Variants in CSGALNACT1 observed in about 807,000 individuals in gnomAD.
CSGALNACT1 encodes beta4GalNAcT-1.
A neutral mutation model predicts 51.0 loss-of-function variants in CSGALNACT1; 52 were observed. That is an observed-to-expected ratio of 1.02 (90% CI 0.82 to 1.29). The LOEUF (loss-of-function observed/expected upper bound fraction) is 1.29. CSGALNACT1 is among the 50% of genes most tolerant of loss of function. The probability of loss-of-function intolerance (pLI) is 0.00; values close to 1 mark genes in which losing one functional copy is unlikely to be tolerated. For missense variants in CSGALNACT1, 935 were observed against 679.2 expected (o/e 1.38, Z -4.19); for synonymous variants, 341 against 254.4 (o/e 1.34, Z -3.24).
At chr8:19,666,815 G>C (rs867607547) in intron 1 of CSGALNACT1, among the ~76,000 whole-genome samples, 1 of 31,342 alleles carries the variant, frequency 3.2e-5, no homozygotes, top group African/African-American at 1.5e-4. Flanking sequence ...AAGAAAGAGA[G>C]AGAGAGAGAG....
At chr8:19,665,592 C>T (rs58532780) in intron 1 of CSGALNACT1, among the ~76,000 whole-genome samples, 9,229 of 152,204 alleles carry the variant, frequency 0.061, 319 homozygotes, top group African/African-American at 0.1. Flanking sequence ...CAGGAAGCCA[C>T]GGACTTTCCC....
chr8:19,543,864 A>C (rs899280400), intron 3 of CSGALNACT1, among the ~76,000 whole-genome samples: 9 of 152,208 alleles, frequency 5.9e-5, no homozygotes, highest in Admixed American at 5.2e-4. Context: ...GGACCCCTGA[A>C]ACAAGTCCAA....
chr8:19,537,370 T>C (rs1384184214), intron 3 of CSGALNACT1, among the ~76,000 whole-genome samples: 3 of 152,196 alleles, frequency 2.0e-5, no homozygotes, highest in South Asian at 2.1e-4. Context: ...TTCAGAGGGC[T>C]GAAAACTCCA....
At chr8:19,660,121 A>G (rs962073259) in intron 1 of CSGALNACT1, among the ~76,000 whole-genome samples, 2 of 152,342 alleles carry the variant, frequency 1.3e-5, no homozygotes, top group South Asian at 4.1e-4. Context: ...TTAATGGTCA[A>G]TCTGTGGGGC....
intron 3 of CSGALNACT1, among the ~76,000 whole-genome samples, chr8:19,535,048 A>G (rs1254576488): frequency 6.6e-6 from 1 of 152,208 alleles, no homozygotes; most frequent in Admixed American, 6.5e-5. Flanking sequence ...AGTATCAGGG[A>G]GTATTTGGAA....
At chr8:19,457,694 G>A (rs1244567172) in intron 5 of CSGALNACT1, 1 of 1,317,538 alleles carries the variant, frequency 7.6e-7, no homozygotes, top group South Asian at 1.2e-5. Flanking sequence ...AAAACAAGCT[G>A]GTGAAATCAC....
chr8:19,689,248 C>G (rs1429051421), intron 1 of CSGALNACT1, among the ~76,000 whole-genome samples: 1 of 152,116 alleles, frequency 6.6e-6, no homozygotes, highest in Non-Finnish European at 1.5e-5. Context: ...ACTCTTATAA[C>G]CCAGCTACCA....
chr8:19,428,821 TG>T (rs1228805279), intron 6 of CSGALNACT1, among the ~76,000 whole-genome samples: 4 of 130,492 alleles, frequency 3.1e-5, no homozygotes, highest in Non-Finnish European at 6.4e-5. Flanking sequence ...ACATAAGACA[TG>T]ATATGTGTGT....
At chr8:19,459,382 C>CAAAAAA (rs377411028) in intron 4 of CSGALNACT1, among the ~76,000 whole-genome samples, 1 of 69,178 alleles carries the variant, frequency 1.4e-5, no homozygotes, top group African/African-American at 5.8e-5. Flanking sequence ...AACTTTATCT[C>CAAAAAA]AAAAAAAAAA....
chr8:19,662,685 T>G (rs1479464325), intron 1 of CSGALNACT1, among the ~76,000 whole-genome samples: 3 of 152,168 alleles, frequency 2.0e-5, no homozygotes, highest in African/African-American at 7.2e-5. Context: ...AGGGTGTGTG[T>G]GGTAAACAAA....
intron 5 of CSGALNACT1, chr8:19,457,542 G>A (rs1177087346): frequency 3.8e-6 from 2 of 526,328 alleles, no homozygotes; most frequent in East Asian, 1.4e-4. Flanking sequence ...GAACCTGGGA[G>A]GTGAAGGTTG....
intron 7 of CSGALNACT1, among the ~76,000 whole-genome samples, chr8:19,420,118 G>A (rs888752278): frequency 2.0e-5 from 3 of 152,166 alleles, no homozygotes; most frequent in Non-Finnish European, 2.9e-5. Context: ...AGAACTATGA[G>A]TCCATTAAAC....
intron 3 of CSGALNACT1, among the ~76,000 whole-genome samples, chr8:19,527,385 G>A (rs1242882972): frequency 6.6e-6 from 1 of 152,114 alleles, no homozygotes; most frequent in Non-Finnish European, 1.5e-5. Flanking sequence ...TGGATCACTT[G>A]AGCCCAGGAG....
intron 3 of CSGALNACT1, among the ~76,000 whole-genome samples, chr8:19,590,640 CTTTTTTTTTTTTTTTT>C (rs34859554): frequency 1.4e-5 from 1 of 68,970 alleles, no homozygotes. Flanking sequence ...GACCTAACTA[CTTTTTTTTTTTTTTTT>C]TTTTTTTTTT....
intron 3 of CSGALNACT1, among the ~76,000 whole-genome samples, chr8:19,511,688 G>A (rs1243752216): frequency 1.3e-5 from 2 of 152,108 alleles, no homozygotes; most frequent in Admixed American, 6.6e-5. Context: ...CTGTACTGGG[G>A]TCTTGATGTG....
At chr8:19,405,447 A>G (rs1401069877) in exon 10 of CSGALNACT1, 3 of 497,638 alleles carry the variant, frequency 6.0e-6, no homozygotes, top group South Asian at 3.1e-5. Flanking sequence ...CTGCTCTTAA[A>G]TCATGAATAT....
intron 6 of CSGALNACT1, among the ~76,000 whole-genome samples, chr8:19,427,615 T>C (rs970748340): frequency 6.6e-6 from 1 of 151,988 alleles, no homozygotes; most frequent in Non-Finnish European, 1.5e-5. Flanking sequence ...GGTGAAACCC[T>C]GTCTCTACTA....
At chr8:19,680,660 A>G (rs2060548413) in intron 1 of CSGALNACT1, among the ~76,000 whole-genome samples, 2 of 150,614 alleles carry the variant, frequency 1.3e-5, no homozygotes, top group Middle Eastern at 3.5e-3. Flanking sequence ...AGGTATTACA[A>G]GTAATCTAAG....
At chr8:19,710,167 A>C (rs1425383642) in intron 1 of CSGALNACT1, among the ~76,000 whole-genome samples, 1 of 152,222 alleles carries the variant, frequency 6.6e-6, no homozygotes, top group African/African-American at 2.4e-5. Context: ...TTAGAGAAAA[A>C]GAAACCCAAA....
Sources: gnomAD v4.1 joint callset for allele counts (sites outside exome capture counted in the v4.1 genomes callset) on GRCh38, gnomAD v4.1.1 for gene constraint, MANE v1.5 for transcripts, NCBI Gene and HGNC (gene_info 2026-07-23, HGNC 2026-07-21) for gene names.